SLC26A8: variants seen among roughly 807,000 people sequenced by gnomAD.
The protein encoded by SLC26A8 is testis anion transporter 1.
A neutral mutation model predicts 105.0 loss-of-function variants in SLC26A8; 70 were observed. That is an observed-to-expected ratio of 0.67 (90% CI 0.55 to 0.81). The LOEUF (loss-of-function observed/expected upper bound fraction) is 0.81, where lower values mean the gene tolerates loss of function less well. SLC26A8 is among the 40% of genes least tolerant of loss of function. The pLI is 0.00. For synonymous variants in SLC26A8, 415 were observed against 438.3 expected (o/e 0.95, Z 0.66); for missense variants, 998 against 1,181.8 (o/e 0.84, Z 2.28).
chr6:36,002,350 T>C (rs531391225), intron 3 of SLC26A8, among the ~76,000 whole-genome samples: 1 of 152,302 alleles, frequency 6.6e-6, no homozygotes, highest in African/African-American at 2.4e-5. Flanking sequence ...CTTGTACATG[T>C]CTCCTGGTAC....
intron 16 of SLC26A8, among the ~76,000 whole-genome samples, chr6:35,958,807 C>T (rs527607843): frequency 5.6e-4 from 85 of 152,124 alleles, no homozygotes; most frequent in African/African-American, 1.9e-3. Context: ...AGGTGATTGC[C>T]GAAAGACCCA....
At chr6:35,960,490 T>C (rs1298824441) in intron 14 of SLC26A8, 1 of 223,426 alleles carries the variant, frequency 4.5e-6, no homozygotes. Context: ...ACCCTGTCTT[T>C]ACTAAAATAC....
intron 10 of SLC26A8, 24 bp downstream of exon 10, chr6:35,975,351 A>C: frequency 2.2e-6 from 3 of 1,336,806 alleles, no homozygotes; most frequent in Non-Finnish European, 3.2e-6. Context: ...TATGTATTAG[A>C]GATCAAATTG....
chr6:35,954,979 T>C (rs1771999680), intron 17 of SLC26A8, 173 bp downstream of exon 17: 2 of 743,234 alleles, frequency 2.7e-6, no homozygotes, highest in Non-Finnish European at 4.5e-6. Context: ...TGGTTCATTC[T>C]CTTTTTATTT....
In SLC26A8 at chr6:35,987,607, G is replaced by A. The variant is rs138216388; in HGVS notation, c.942+4052C>T. 1.1e-4 allele frequency among the ~76,000 whole-genome samples: 17 copies of A among 152,160 alleles called. No individual in the cohort carries two copies. The East Asian group carries it at 1.9e-3, about 17-fold the overall frequency. On this transcript the variant is annotated intron_variant, in intron 7 of 19. Transcript: ENST00000490799. ...AGGATGGTCTCAATCTCCTGACCTC[G>A]TGATCCACCTGTCTCGGCCTCCCAA...
At position 35,972,610 on chromosome 6, in the gene SLC26A8, G is replaced by C. The variant is rs147072901; in HGVS notation, c.1287+2765C>G. On this transcript the variant is annotated intron_variant, in intron 10 of 19. Transcript: ENST00000490799. ...TGCAAGGGGCATGTCAAGGCCTCAG[G>C]GAGGGCTTCTCAGCATTCCTAGGGA... Among the ~76,000 whole-genome samples, 205 of 152,280 alleles carry C rather than the reference G, an allele frequency of 1.3e-3. 1 individual carries two copies. The highest frequency in any genetic ancestry group is 4.6e-3 in the African/African-American group (190 of 41,548).
At chr6:35,957,047 A>C (rs961185306) in intron 16 of SLC26A8, among the ~76,000 whole-genome samples, 1 of 151,972 alleles carries the variant, frequency 6.6e-6, no homozygotes, top group East Asian at 1.9e-4. Context: ...ACATGGAGAA[A>C]CCACGTCTCT....
rs774252116 is a variant in SLC26A8, at chr6:35,997,724, G to C, written c.627+14C>G. ...TTCAGTTCCTTTTCAGGGATTTGAA[G>C]ACTCAGATCCTACCTGAATAATCCC... is the stretch of plus-strand genomic sequence containing the variant. On this transcript the variant is annotated intron_variant, in intron 5 of 19. Transcript: ENST00000490799. The C allele has an allele frequency of 1.2e-6, 2 of 1,611,446 alleles. No individual in the cohort carries two copies. The highest frequency in any genetic ancestry group is 1.1e-5 in the South Asian group (1 of 90,938).
intron 8 of SLC26A8, among the ~76,000 whole-genome samples, chr6:35,980,415 T>G (rs75023642): frequency 4.6e-5 from 7 of 152,374 alleles, no homozygotes; most frequent in African/African-American, 1.4e-4. Flanking sequence ...CTAAGTAATT[T>G]AAACATGGGA....
intron 11 of SLC26A8, 96 bp downstream of exon 11, chr6:35,968,781 C>G (rs1478221795): frequency 8.1e-6 from 1 of 123,324 alleles, no homozygotes; most frequent in Non-Finnish European, 1.7e-5. Context: ...TGCCCGCCCC[C>G]CCGCCCCCAG....
At chr6:35,969,185 G>T in intron 10 of SLC26A8, 1 of 483,230 alleles carries the variant, frequency 2.1e-6, no homozygotes, top group Non-Finnish European at 3.8e-6. Flanking sequence ...TCCCTGAAAA[G>T]CTCCACGTTG....
At chr6:36,005,938 T>C (rs1761672502) in intron 3 of SLC26A8, among the ~76,000 whole-genome samples, 1 of 152,212 alleles carries the variant, frequency 6.6e-6, no homozygotes, top group Non-Finnish European at 1.5e-5. Context: ...TTTAATAAGG[T>C]CTTCATCATA....
chr6:36,003,752 C>T (rs1581687695), intron 3 of SLC26A8, among the ~76,000 whole-genome samples: 1 of 151,538 alleles, frequency 6.6e-6, no homozygotes, highest in East Asian at 1.9e-4. Flanking sequence ...AGCTCCGCCT[C>T]CCGGGTTCAC....
intron 7 of SLC26A8, among the ~76,000 whole-genome samples, chr6:35,987,659 C>T (rs1426842294): frequency 2.0e-5 from 3 of 152,078 alleles, no homozygotes; most frequent in Non-Finnish European, 4.4e-5. Context: ...GCGTGAGCCA[C>T]CGCTCCCAGT....
chr6:35,960,786 G>A, intron 14 of SLC26A8, 57 bp downstream of exon 14: 2 of 1,519,752 alleles, frequency 1.3e-6, no homozygotes, highest in Non-Finnish European at 1.8e-6. Context: ...AACTAAGCAT[G>A]AGGTGGGGCC....
intron 3 of SLC26A8, among the ~76,000 whole-genome samples, chr6:36,007,845 G>C (rs1261783078): frequency 1.3e-5 from 2 of 152,170 alleles, no homozygotes; most frequent in Non-Finnish European, 2.9e-5. Context: ...TTGAGGCTGG[G>C]CGCGGTGGCT....
At chr6:35,973,736 A>G in intron 10 of SLC26A8, among the ~76,000 whole-genome samples, 1 of 152,122 alleles carries the variant, frequency 6.6e-6, no homozygotes, top group East Asian at 1.9e-4. Flanking sequence ...ATGCTTCACC[A>G]CATATTTGCC....
chr6:35,973,772 C>T (rs1772889950), intron 10 of SLC26A8, among the ~76,000 whole-genome samples: 1 of 152,186 alleles, frequency 6.6e-6, no homozygotes, highest in Admixed American at 6.5e-5. Flanking sequence ...TTTGTCTTTC[C>T]ATGTGAAAGT....
intron 11 of SLC26A8, among the ~76,000 whole-genome samples, chr6:35,964,690 G>T (rs183353703): frequency 3.3e-5 from 5 of 151,990 alleles, no homozygotes; most frequent in Non-Finnish European, 7.4e-5. Context: ...GATGTGCCAG[G>T]CATGGTGGAT....
Sources: allele counts gnomAD v4.1 joint callset (sites outside exome capture counted in the v4.1 genomes callset), GRCh38; gene constraint gnomAD v4.1.1; transcripts MANE v1.5; gene names NCBI Gene and HGNC (gene_info 2026-07-23, HGNC 2026-07-21).